DGKG: variants seen among roughly 807,000 people sequenced by gnomAD.
DGKG encodes the protein diacylglycerol kinase gamma, also known as DAG kinase gamma.
In DGKG, 78 loss-of-function variants were observed where a neutral mutation model predicts 105.3. The observed-to-expected ratio is 0.74, with a 90% CI of 0.62 to 0.89. DGKG has a LOEUF of 0.89. Among genes scored for constraint, DGKG ranks in the 40% least tolerant of loss-of-function variants. The pLI is 0.00. For synonymous variants in DGKG, 346 were observed against 367.1 expected, an observed-to-expected ratio of 0.94 and a Z score of 0.66; for missense variants, 958 against 1,020.1, an observed-to-expected ratio of 0.94 and a Z score of 0.83.
At chr3:186,170,802 T>C (rs989062700) in intron 22 of DGKG, among the ~76,000 whole-genome samples, 1 of 152,134 alleles carries the variant, frequency 6.6e-6, no homozygotes, top group African/African-American at 2.4e-5. Context: ...CAAGAGTCCC[T>C]AGGCCGTAAT....
At chr3:186,305,910 T>C (rs1724213979) in intron 3 of DGKG, among the ~76,000 whole-genome samples, 1 of 152,154 alleles carries the variant, frequency 6.6e-6, no homozygotes. Context: ...TAGGGGAAGA[T>C]TAAGGACACA....
chr3:186,156,313 A>G (rs1716034169), intron 24 of DGKG, among the ~76,000 whole-genome samples: 1 of 152,086 alleles, frequency 6.6e-6, no homozygotes, highest in African/African-American at 2.4e-5. Context: ...GAGAGGTTCT[A>G]TATAAAGACA....
chr3:186,212,872 A>G (rs1202014283), intron 20 of DGKG, among the ~76,000 whole-genome samples: 1 of 152,240 alleles, frequency 6.6e-6, no homozygotes, highest in Non-Finnish European at 1.5e-5. Context: ...CACTCAGAAG[A>G]GAGGATGCCA....
At chr3:186,340,588 G>A (rs1305152494) in intron 1 of DGKG, among the ~76,000 whole-genome samples, 4 of 152,196 alleles carry the variant, frequency 2.6e-5, no homozygotes, top group Non-Finnish European at 5.9e-5. Flanking sequence ...AAGCCACCCT[G>A]TTGCTGATGG....
At chr3:186,176,423 T>G (rs1395361760) in intron 22 of DGKG, among the ~76,000 whole-genome samples, 1 of 152,128 alleles carries the variant, frequency 6.6e-6, no homozygotes, top group Non-Finnish European at 1.5e-5. Flanking sequence ...CTCAGAAAGA[T>G]CTTATAAGGG....
chr3:186,173,234 C>T (rs534584360), intron 22 of DGKG, among the ~76,000 whole-genome samples: 9 of 152,304 alleles, frequency 5.9e-5, no homozygotes, highest in East Asian at 3.9e-4. Flanking sequence ...CTTTGACGCA[C>T]GAATTTTTGG....
Position 186,148,625 on chromosome 3 carries a change from A to G in DGKG, c.*1465T>C. On this transcript the variant is annotated 3_prime_UTR_variant, in exon 25 of 25. Transcript: ENST00000265022. ...ATTAAATATCTTTGTAACGGCACCT[A>G]CTCTCAAGCTGCATTAGCCAAGACA... The G allele has an allele frequency of 1.0e-6, 1 of 985,196 alleles. No homozygotes were observed. Among genetic ancestry groups the G allele is most frequent in the Non-Finnish European group, 1.2e-6 (1 of 829,900 alleles). The allele number at this position is 985,196 out of a possible 1,614,324, so 61.0% of individuals were successfully genotyped here.
At chr3:186,273,365 C>T (rs374000162) in intron 10 of DGKG, among the ~76,000 whole-genome samples, 9 of 116,442 alleles carry the variant, frequency 7.7e-5, no homozygotes, top group African/African-American at 2.7e-4. Flanking sequence ...ACTGTTGTAC[C>T]CCTTTTTTTT....
intron 1 of DGKG, among the ~76,000 whole-genome samples, chr3:186,338,062 C>T (rs1302939309): frequency 2.0e-5 from 3 of 149,404 alleles, no homozygotes; most frequent in Non-Finnish European, 3.0e-5. Flanking sequence ...CCCAGCTACT[C>T]GGGAGACTGA....
At chr3:186,309,530 T>C (rs1160302343) in intron 2 of DGKG, among the ~76,000 whole-genome samples, 2 of 152,232 alleles carry the variant, frequency 1.3e-5, no homozygotes, top group South Asian at 2.1e-4. Flanking sequence ...ACATATATGT[T>C]ATTCCACAAG....
In DGKG at chr3:186,240,128, C is replaced by G. The variant is rs539604512; in HGVS notation, c.1826+2376G>C. The stretch of plus-strand genomic sequence containing the variant: ...TCACACTGAACATCTTGCTCTTCCA[C>G]AAGTATACTGCACCCTCTCACTCCT... On this transcript the variant is annotated intron_variant, in intron 20 of 24. Coordinates refer to ENST00000265022, the MANE Select transcript of DGKG (RefSeq NM_001346.3). 3.3e-5 allele frequency among the ~76,000 whole-genome samples: 5 copies of G among 152,326 alleles called. No homozygotes were observed. In the South Asian group the frequency reaches 1.0e-3, roughly 32 times the overall value.
chr3:186,266,679 C>A lies in DGKG; in HGVS notation c.1209+1006G>T, dbSNP rs552687626. ...GTGGTGTGATCTTGGCTCACTGCAA[C>A]CTCCACCTCCCAGGTTCAAGCAATT... On this transcript the variant is annotated intron_variant, in intron 13 of 24. Transcript: ENST00000265022. Among the ~76,000 whole-genome samples the A allele has an allele frequency of 2.0e-4, 31 of 152,266 alleles. 1 individual carries two copies. In the South Asian group the frequency reaches 6.2e-3, roughly 31 times the overall value.
intron 1 of DGKG, among the ~76,000 whole-genome samples, chr3:186,339,161 GC>G (rs956517666): frequency 4.5e-4 from 68 of 152,124 alleles, no homozygotes; most frequent in African/African-American, 1.6e-3. Flanking sequence ...GGGCAATTAT[GC>G]TTGTGCATTT....
intron 2 of DGKG, among the ~76,000 whole-genome samples, chr3:186,310,568 C>T (rs1051393346): frequency 2.6e-5 from 4 of 152,146 alleles, no homozygotes; most frequent in African/African-American, 7.2e-5. Flanking sequence ...GACTAATCTG[C>T]TTCAGTGACA....
intron 9 of DGKG, among the ~76,000 whole-genome samples, chr3:186,276,238 A>C (rs1440387576): frequency 6.6e-6 from 1 of 152,238 alleles, no homozygotes; most frequent in Non-Finnish European, 1.5e-5. Context: ...GGTGGCAATC[A>C]AAAAGATATT....
intron 24 of DGKG, among the ~76,000 whole-genome samples, chr3:186,151,744 G>C (rs139034485): frequency 2.0e-5 from 3 of 152,336 alleles, no homozygotes; most frequent in African/African-American, 7.2e-5. Flanking sequence ...TGTTGTCAAG[G>C]TGAGCTGGGG....
intron 3 of DGKG, chr3:186,306,676 T>TCTC: frequency 2.1e-6 from 1 of 480,414 alleles, no homozygotes; most frequent in South Asian, 3.3e-5. Flanking sequence ...GGGTGAGAGA[T>TCTC]GAGCAGAGGA....
chr3:186,265,623 T>C (rs1246909321), intron 13 of DGKG, among the ~76,000 whole-genome samples: 1 of 151,614 alleles, frequency 6.6e-6, no homozygotes, highest in Admixed American at 6.6e-5. Flanking sequence ...GAGAAGAAAA[T>C]TCTTAGACTT....
intron 1 of DGKG, among the ~76,000 whole-genome samples, chr3:186,331,169 A>C (rs1725585169): frequency 6.6e-6 from 1 of 152,350 alleles, no homozygotes; most frequent in Non-Finnish European, 1.5e-5. Flanking sequence ...TATAATTTCT[A>C]ATTAATAAGC....
Sources: allele counts gnomAD v4.1 joint callset (sites outside exome capture counted in the v4.1 genomes callset), GRCh38; gene constraint gnomAD v4.1.1; transcripts MANE v1.5; gene names NCBI Gene and HGNC (gene_info 2026-07-23, HGNC 2026-07-21).